TRAPPC11: variants seen among roughly 807,000 people sequenced by gnomAD.
The protein encoded by TRAPPC11 is foie gras homolog.
A neutral mutation model predicts 151.2 loss-of-function variants in TRAPPC11; 104 were observed. That is an observed-to-expected ratio of 0.69 (90% CI 0.59 to 0.81). The LOEUF (loss-of-function observed/expected upper bound fraction) is 0.81, where lower values mean the gene tolerates loss of function less well. Among genes scored for constraint, TRAPPC11 ranks in the 30% least tolerant of loss-of-function variants. The pLI is 0.00. For missense variants in TRAPPC11, 1,230 were observed against 1,349.6 expected, an observed-to-expected ratio of 0.91 and a Z score of 1.39; for synonymous variants, 456 against 472.3, an observed-to-expected ratio of 0.97 and a Z score of 0.45.
chr4:183,691,480 T>C lies in TRAPPC11; in HGVS notation c.2049+9T>C. The C allele has an allele frequency of 2.1e-6, 3 of 1,431,028 alleles. No homozygotes were observed. The highest frequency in any genetic ancestry group is 2.8e-6 in the Non-Finnish European group (3 of 1,070,792). 88.6% of individuals were successfully genotyped at this position (1,431,028 alleles called of 1,614,324 possible). A position where few individuals can be genotyped will look rare whatever the true frequency, so the allele number is the denominator to read the frequency against. ...TGGGAAAGAAAATTGAGGTTAGTTA[T>C]GAAATTTGTTTTAAAATATTTTTAA... On this transcript the variant is annotated intron_variant, in intron 19 of 29. Coordinates refer to ENST00000334690, the MANE Select transcript of TRAPPC11 (RefSeq NM_021942.6).
chr4:183,693,181 C>T (rs1458305762), intron 20 of TRAPPC11, 34 bp downstream of exon 20: 5 of 1,530,704 alleles, frequency 3.3e-6, no homozygotes, highest in African/African-American at 2.8e-5. Flanking sequence ...TATTAAAGGT[C>T]ATCCTCTTAT....
chr4:183,690,089 G>C (rs1414758451), intron 18 of TRAPPC11, among the ~76,000 whole-genome samples: 1 of 152,122 alleles, frequency 6.6e-6, no homozygotes, highest in African/African-American at 2.4e-5. Flanking sequence ...TGTAGTCTCA[G>C]CTACTTGGGA....
At position 183,674,832 on chromosome 4, in the gene TRAPPC11, A is replaced by G. The variant is rs1489063500; in HGVS notation, c.660+20A>G. The G allele has an allele frequency of 1.4e-6, 2 of 1,393,290 alleles. No individual in the cohort carries two copies. Among genetic ancestry groups the G allele is most frequent in the Non-Finnish European group, 2.0e-6 (2 of 999,314 alleles). 86.3% of individuals were successfully genotyped at this position (1,393,290 alleles called of 1,614,324 possible). Reference sequence around the variant, plus strand: ...CACCAGGTGCGTGATTTTTTGCAATAATAGAAGCATTCTGGAGCGGATTAT... The same window carrying G: ...CACCAGGTGCGTGATTTTTTGCAATGATAGAAGCATTCTGGAGCGGATTAT... On this transcript the variant is annotated intron_variant, in intron 6 of 29. Transcript: ENST00000334690.
At chr4:183,684,464 A>G in intron 14 of TRAPPC11, 105 bp downstream of exon 14, 3 of 1,147,194 alleles carry the variant, frequency 2.6e-6, no homozygotes, top group East Asian at 2.4e-5. Context: ...ATTTATTTCT[A>G]TTGTTGTTAA....
In TRAPPC11 at chr4:183,675,282, C is replaced by T. The variant is rs752497903; in HGVS notation, c.734+45C>T. Reference sequence around the variant, plus strand: ...TAAATGTTTCCTATTTTTATATTAACAATAACATGTGATGGAAATTTCTGA... The same window carrying T: ...TAAATGTTTCCTATTTTTATATTAATAATAACATGTGATGGAAATTTCTGA... On this transcript the variant is annotated intron_variant, in intron 7 of 29. Coordinates refer to ENST00000334690, the MANE Select transcript of TRAPPC11 (RefSeq NM_021942.6). 1.3e-5 allele frequency: 16 copies of T among 1,197,566 alleles called. No individual in the cohort carries two copies. In the South Asian group the frequency reaches 2.5e-4, roughly 19 times the overall value. The allele number at this position is 1,197,566 out of a possible 1,614,324, so 74.2% of individuals were successfully genotyped here.
intron 4 of TRAPPC11, among the ~76,000 whole-genome samples, 185 bp downstream of exon 4, chr4:183,667,315 G>C (rs1394668293): frequency 6.6e-6 from 1 of 152,144 alleles, no homozygotes; most frequent in Non-Finnish European, 1.5e-5. Flanking sequence ...AGATAGTGAA[G>C]AATGCAAATC....
At chr4:183,673,093 G>C (rs1735235457) in intron 5 of TRAPPC11, among the ~76,000 whole-genome samples, 1 of 151,614 alleles carries the variant, frequency 6.6e-6, no homozygotes, top group African/African-American at 2.4e-5. Flanking sequence ...CTCCTGAGTA[G>C]CTGGGACTAC....
intron 2 of TRAPPC11, among the ~76,000 whole-genome samples, chr4:183,665,243 C>A (rs190213567): frequency 1.3e-5 from 2 of 151,780 alleles, no homozygotes; most frequent in South Asian, 2.1e-4. Flanking sequence ...TACAGGCGCC[C>A]GCCACCACGT....
chr4:183,661,544 T>G (rs1178324883), intron 1 of TRAPPC11, among the ~76,000 whole-genome samples: 3 of 151,464 alleles, frequency 2.0e-5, no homozygotes, highest in Non-Finnish European at 4.4e-5. Flanking sequence ...GCTAATTTTT[T>G]GTGTTTTTAG....
chr4:183,694,024 C>A lies in TRAPPC11; in HGVS notation c.2494C>A (p.His832Asn). Reference protein sequence around the residue: ...LLTDIPVGDLHPGEQLEKMLY... With the variant: ...LLTDIPVGDLNPGEQLEKMLY... ...CACTGACATTCCTGTTGGAGACTTA[C>A]ATCCAGGGGAACAGGTAAACTTGGT... The change falls in exon 22 of 30, where the codon CAT becomes AAT. Residue 832 changes from histidine to asparagine, a missense_variant. Transcript: ENST00000334690. 1 of 1,613,914 alleles carries A rather than the reference C, an allele frequency of 6.2e-7. No individual in the cohort carries two copies. Among genetic ancestry groups the A allele is most frequent in the Non-Finnish European group, 8.5e-7 (1 of 1,179,788 alleles).
At position 183,693,627 on chromosome 4, in the gene TRAPPC11, T is replaced by A; in HGVS notation, c.2276T>A (p.Leu759Gln). 1 of 1,614,024 alleles carries A rather than the reference T, an allele frequency of 6.2e-7. No individual in the cohort carries two copies. The highest frequency in any genetic ancestry group is 8.5e-7 in the Non-Finnish European group (1 of 1,180,012). Residue 759 changes from leucine to glutamine, a missense_variant, in exon 21 of 30, where the codon CTA (leucine) becomes CAA (glutamine). By Grantham distance (113) the Leu-to-Gln change is moderately radical. Coordinates refer to ENST00000334690, the MANE Select transcript of TRAPPC11 (RefSeq NM_021942.6). ...SRVPNISVHL[L>Q]HEPPALTNEM... ...GTCCCAAACATTTCTGTACATCTGCTACATGAACCCCCTGCACTGACTAAT... is the reference window on the plus strand; with the variant it reads ...GTCCCAAACATTTCTGTACATCTGCAACATGAACCCCCTGCACTGACTAAT...
chr4:183,685,518 T>A (rs1735920815), intron 17 of TRAPPC11, 115 bp downstream of exon 17: 1 of 1,237,654 alleles, frequency 8.1e-7, no homozygotes, highest in South Asian at 1.7e-5. Context: ...AGTATAATCA[T>A]GTTATAGATA....
intron 11 of TRAPPC11, 50 bp downstream of exon 11, chr4:183,682,875 A>G (rs1179875564): frequency 5.0e-6 from 6 of 1,203,914 alleles, no homozygotes; most frequent in Admixed American, 1.8e-5. Context: ...AAAGGCAACA[A>G]TAGCTATAAT....
intron 26 of TRAPPC11, 56 bp from the exon 27 acceptor site, chr4:183,704,923 C>T: frequency 8.6e-7 from 1 of 1,160,634 alleles, no homozygotes; most frequent in Non-Finnish European, 1.2e-6. Context: ...GAACTTCTTT[C>T]ATAGTTTAAA....
At chr4:183,703,299 A>G (rs1408845612) in intron 26 of TRAPPC11, among the ~76,000 whole-genome samples, 1 of 152,220 alleles carries the variant, frequency 6.6e-6, no homozygotes, top group Non-Finnish European at 1.5e-5. Context: ...ATAAATATTT[A>G]CCATGTTGGA....
intron 20 of TRAPPC11, 118 bp downstream of exon 20, chr4:183,693,265 C>T: frequency 2.0e-6 from 2 of 1,011,096 alleles, no homozygotes; most frequent in Non-Finnish European, 2.8e-6. Flanking sequence ...GATCACGACT[C>T]ACTGTAGCCT....
At position 183,697,801 on chromosome 4, in the gene TRAPPC11, C is replaced by T. The variant is rs778742385; in HGVS notation, c.2817C>T (p.Thr939=). ...SSELQLAPSM[T]TVDQLESQVD... is the part of the protein sequence containing the mutation. ...AGCTCCAGCTTGCTCCATCCATGACCACAGTGGACCAGCTCGAGTCTCAAG... is the reference window on the plus strand; with the variant it reads ...AGCTCCAGCTTGCTCCATCCATGACTACAGTGGACCAGCTCGAGTCTCAAG... Residue 939 remains threonine, a synonymous_variant, in exon 25 of 30, where the codon ACC becomes ACT. Coordinates refer to ENST00000334690, the MANE Select transcript of TRAPPC11 (RefSeq NM_021942.6). 27 of 1,613,902 alleles carry T rather than the reference C, an allele frequency of 1.7e-5. No individual in the cohort carries two copies. The highest frequency in any genetic ancestry group is 1.7e-4 in the Middle Eastern group (1 of 5,918).
intron 26 of TRAPPC11, among the ~76,000 whole-genome samples, chr4:183,704,393 C>T (rs150153272): frequency 1.2e-4 from 18 of 152,030 alleles, no homozygotes; most frequent in African/African-American, 2.9e-4. Flanking sequence ...TGGCTTCACG[C>T]GCCTGTAATC....
chr4:183,680,679 C>T (rs370128979), intron 10 of TRAPPC11, among the ~76,000 whole-genome samples: 16 of 82,932 alleles, frequency 1.9e-4, no homozygotes, highest in South Asian at 7.8e-4. Context: ...TATGGAGACT[C>T]TTTTTTTTTT....
Sources: gnomAD v4.1 joint callset for allele counts (sites outside exome capture counted in the v4.1 genomes callset) on GRCh38, gnomAD v4.1.1 for gene constraint, MANE v1.5 for transcripts, NCBI Gene and HGNC (gene_info 2026-07-23, HGNC 2026-07-21) for gene names.